OSBPL10: variants seen among roughly 807,000 people sequenced by gnomAD.
OSBPL10 encodes oxysterol-binding protein-related protein 10.
A neutral mutation model predicts 81.7 loss-of-function variants in OSBPL10; 49 were observed. The ratio of observed to expected loss-of-function variants is 0.60; its 90% CI spans 0.48 to 0.76. The LOEUF (loss-of-function observed/expected upper bound fraction) is 0.76, where lower values mean the gene tolerates loss of function less well. Ranked by LOEUF, OSBPL10 falls within the 30% of genes least tolerant of loss-of-function variation. The pLI is 0.00. For missense variants in OSBPL10, 923 were observed against 987.8 expected, an observed-to-expected ratio of 0.93 and a Z score of 0.88; for synonymous variants, 419 against 383.6, an observed-to-expected ratio of 1.09 and a Z score of -1.08.
intron 3 of OSBPL10, among the ~76,000 whole-genome samples, chr3:31,841,857 A>G: frequency 6.6e-6 from 1 of 152,334 alleles, no homozygotes; most frequent in East Asian, 1.9e-4. Context: ...AAGTATGAAA[A>G]TAATTGTCTT....
chr3:31,857,581 T>A lies in OSBPL10; in HGVS notation c.537+18852A>T, dbSNP rs994555244. Reference sequence around the variant, plus strand: ...TCCAGGTTTTAAAATACATTTTTAATAATTCAAATTTTAACCACTTGAGTA... The same window carrying A: ...TCCAGGTTTTAAAATACATTTTTAAAAATTCAAATTTTAACCACTTGAGTA... On this transcript the variant is annotated intron_variant, in intron 3 of 11. Coordinates refer to ENST00000396556, the MANE Select transcript of OSBPL10 (RefSeq NM_017784.5). Among the ~76,000 whole-genome samples, 3 of 151,568 alleles carry A rather than the reference T, an allele frequency of 2.0e-5. 1 individual carries two copies. Among genetic ancestry groups the A allele is most frequent in the African/African-American group, 2.4e-5 (1 of 41,220 alleles).
intron 1 of OSBPL10, among the ~76,000 whole-genome samples, chr3:32,072,747 A>G (rs1003802143): frequency 3.3e-5 from 5 of 152,178 alleles, no homozygotes; most frequent in African/African-American, 1.2e-4. Flanking sequence ...CTTTACTCAC[A>G]TGCCCTGAGT....
intron 1 of OSBPL10, among the ~76,000 whole-genome samples, chr3:31,882,678 C>T (rs1007656520): frequency 6.6e-6 from 1 of 152,174 alleles, no homozygotes; most frequent in African/African-American, 2.4e-5. Context: ...CGCACACACA[C>T]ACACACACGC....
intron 4 of OSBPL10, among the ~76,000 whole-genome samples, chr3:31,758,216 C>T (rs1215524570): frequency 1.3e-5 from 2 of 152,162 alleles, no homozygotes; most frequent in African/African-American, 4.8e-5. Flanking sequence ...CTCTGAGTAC[C>T]TCTCATGTAT....
chr3:31,890,497 G>C (rs1490619324), intron 1 of OSBPL10, among the ~76,000 whole-genome samples: 2 of 152,012 alleles, frequency 1.3e-5, no homozygotes, highest in Admixed American at 1.3e-4. Flanking sequence ...GGCTCCAGGG[G>C]CCAGGCTGAG....
intron 2 of OSBPL10, among the ~76,000 whole-genome samples, chr3:32,024,630 G>A (rs1041524234): frequency 1.1e-4 from 17 of 151,546 alleles, no homozygotes; most frequent in Admixed American, 7.9e-4. Flanking sequence ...GATTACACGC[G>A]CCTGCCACCA....
intron 4 of OSBPL10, among the ~76,000 whole-genome samples, chr3:31,783,052 T>G (rs1237963675): frequency 6.7e-6 from 1 of 149,680 alleles, no homozygotes; most frequent in Non-Finnish European, 1.5e-5. Flanking sequence ...GCCCATCAAT[T>G]AAGGAGTGGA....
chr3:31,779,733 A>G (rs958057400), intron 4 of OSBPL10, among the ~76,000 whole-genome samples: 4 of 152,332 alleles, frequency 2.6e-5, no homozygotes, highest in Admixed American at 2.0e-4. Flanking sequence ...CATTCTACCC[A>G]ACAACTGCAG....
At chr3:31,723,503 A>G (rs1371092885) in intron 6 of OSBPL10, among the ~76,000 whole-genome samples, 1 of 151,590 alleles carries the variant, frequency 6.6e-6, no homozygotes, top group Non-Finnish European at 1.5e-5. Context: ...CAGAACTTAA[A>G]GACAATTCTA....
intron 6 of OSBPL10, among the ~76,000 whole-genome samples, chr3:31,726,831 T>TTTATTA (rs142826584): frequency 8.7e-4 from 130 of 149,616 alleles, no homozygotes; most frequent in African/African-American, 2.1e-3. Flanking sequence ...TGTGCAAAAA[T>TTTATTA]TTATTATTAT....
At chr3:31,915,960 G>C (rs1318630859) in intron 1 of OSBPL10, among the ~76,000 whole-genome samples, 1 of 151,918 alleles carries the variant, frequency 6.6e-6, no homozygotes, top group African/African-American at 2.4e-5. Context: ...GCCAGGTGTG[G>C]TGGTGGGAGC....
At chr3:31,788,140 C>G (rs557119873) in intron 4 of OSBPL10, among the ~76,000 whole-genome samples, 57 of 152,170 alleles carry the variant, frequency 3.7e-4, no homozygotes, top group Non-Finnish European at 6.9e-4. Context: ...TTAAAGCTGT[C>G]TAGAGATAAG....
At chr3:31,726,133 G>T (rs1357642008) in intron 6 of OSBPL10, among the ~76,000 whole-genome samples, 1 of 152,004 alleles carries the variant, frequency 6.6e-6, no homozygotes, top group African/African-American at 2.4e-5. Context: ...TGGGATCTGA[G>T]ATCCCTTTGA....
chr3:31,806,498 C>T (rs997719585), intron 4 of OSBPL10, among the ~76,000 whole-genome samples: 1 of 152,220 alleles, frequency 6.6e-6, no homozygotes, highest in Non-Finnish European at 1.5e-5. Flanking sequence ...GTGCAAGGGT[C>T]ATTCCTTCTT....
intron 6 of OSBPL10, among the ~76,000 whole-genome samples, chr3:31,724,833 G>C (rs565452100): frequency 6.6e-6 from 1 of 152,144 alleles, no homozygotes; most frequent in Non-Finnish European, 1.5e-5. Flanking sequence ...AAGGAGGGCA[G>C]AAAGATGCTG....
At chr3:32,031,965 G>A (rs1699473073) in intron 2 of OSBPL10, among the ~76,000 whole-genome samples, 1 of 152,160 alleles carries the variant, frequency 6.6e-6, no homozygotes, top group Non-Finnish European at 1.5e-5. Flanking sequence ...TAGGAAAGAT[G>A]AGTCATTTTA....
In OSBPL10 at chr3:31,830,210, G is replaced by A. The variant is rs747571699; in HGVS notation, c.559C>T (p.Arg187Ter). Reference sequence around the variant, plus strand: ...CCATGTGGGAGCAAAGTGAGACTTCGGCTTCGGGAGCTTGGAGCACTCTAG... The same window carrying A: ...CCATGTGGGAGCAAAGTGAGACTTCAGCTTCGGGAGCTTGGAGCACTCTAG... ...NSKSAPSSRS[R>*]SLTLLPHGTP... is the part of the protein sequence containing the mutation. Residue 187 changes from arginine to a stop codon, truncating the protein, a stop_gained, in exon 4 of 12, where the codon CGA (arginine) becomes TGA (stop). Transcript: ENST00000396556. LOFTEE classifies it high-confidence loss of function. 11 of 1,613,742 alleles carry A rather than the reference G, an allele frequency of 6.8e-6. No homozygotes were observed. Among genetic ancestry groups the A allele is most frequent in the African/African-American group, 1.3e-5 (1 of 74,908 alleles).
rs149128520 is a variant in OSBPL10 at position 31,964,599 on chromosome 3, G to C, written c.281+16300C>G. On this transcript the variant is annotated intron_variant, in intron 1 of 11. Transcript: ENST00000396556. ...ACATCTTTACATTAAGTCTGAGTTG[G>C]AGTCAATTAAATTGTCTGAAAAAGC... 5.3e-5 allele frequency among the ~76,000 whole-genome samples: 8 copies of C among 152,264 alleles called. No homozygotes were observed. In the East Asian group the frequency reaches 1.5e-3, roughly 29 times the overall value.
chr3:31,703,827 A>T (rs1213478871), intron 6 of OSBPL10: 2 of 152,212 alleles, frequency 1.3e-5, no homozygotes, highest in East Asian at 3.9e-4. Flanking sequence ...CCCAGCCAAA[A>T]GCTGAGTTTT....
Sources: allele counts gnomAD v4.1 joint callset (sites outside exome capture counted in the v4.1 genomes callset), GRCh38; gene constraint gnomAD v4.1.1; transcripts MANE v1.5; gene names NCBI Gene and HGNC (gene_info 2026-07-23, HGNC 2026-07-21).